The following ZBTB7C variants were observed in gnomAD, a reference collection of about 807,000 sequenced individuals.
ZBTB7C encodes the protein zinc finger and BTB domain-containing protein 7C.
A neutral mutation model predicts 25.7 loss-of-function variants in ZBTB7C; 8 were observed. That is an observed-to-expected ratio of 0.31 (90% CI 0.18 to 0.56). ZBTB7C has a LOEUF of 0.56. Among genes scored for constraint, ZBTB7C ranks in the 20% least tolerant of loss-of-function variants. The pLI, the probability that ZBTB7C is intolerant of heterozygous loss-of-function variation, is 0.91. For missense variants in ZBTB7C, 824 were observed against 855.2 expected (o/e 0.96, Z 0.46); for synonymous variants, 394 against 369.0 (o/e 1.07, Z -0.78).
At chr18:48,311,993 T>C (rs951416266) in intron 2 of ZBTB7C, among the ~76,000 whole-genome samples, 1 of 152,220 alleles carries the variant, frequency 6.6e-6, no homozygotes, top group African/African-American at 2.4e-5. Context: ...TTATCCAGTT[T>C]CTGTCCATCT....
intron 2 of ZBTB7C, among the ~76,000 whole-genome samples, chr18:48,304,742 G>A (rs2045628773): frequency 6.6e-6 from 1 of 150,714 alleles, no homozygotes; most frequent in African/African-American, 2.4e-5. Flanking sequence ...TCAGGAAGCT[G>A]AGGAAGGAGA....
intron 3 of ZBTB7C, among the ~76,000 whole-genome samples, chr18:48,141,662 G>A (rs775326008): frequency 6.6e-6 from 1 of 152,220 alleles, no homozygotes; most frequent in Non-Finnish European, 1.5e-5. Context: ...TCTCGCTGGA[G>A]TGAACATTTC....
chr18:48,158,012 C>T (rs1229183275), intron 3 of ZBTB7C, among the ~76,000 whole-genome samples: 1 of 152,036 alleles, frequency 6.6e-6, no homozygotes, highest in Non-Finnish European at 1.5e-5. Flanking sequence ...ATCCTAGATG[C>T]CCTGGGGACC....
chr18:48,077,056 T>C (rs2037791857), intron 3 of ZBTB7C: 1 of 763,742 alleles, frequency 1.3e-6, no homozygotes, highest in Non-Finnish European at 1.5e-6. Flanking sequence ...AATATGTTGT[T>C]ATATGCAAAA....
intron 3 of ZBTB7C, among the ~76,000 whole-genome samples, chr18:48,100,868 C>A (rs943715537): frequency 5.8e-4 from 88 of 151,908 alleles, no homozygotes; most frequent in Non-Finnish European, 9.4e-4. Context: ...CTCTGGGAAC[C>A]TAAGAGGGAG....
At chr18:48,406,357 G>T (rs1359613899) in intron 1 of ZBTB7C, among the ~76,000 whole-genome samples, 1 of 152,080 alleles carries the variant, frequency 6.6e-6, no homozygotes, top group Non-Finnish European at 1.5e-5. Context: ...TATTACTAGG[G>T]GGTCTCTTAT....
chr18:48,177,030 G>GC (rs1256057416), intron 3 of ZBTB7C, among the ~76,000 whole-genome samples: 1 of 152,228 alleles, frequency 6.6e-6, no homozygotes, highest in Non-Finnish European at 1.5e-5. Context: ...CTTGGCCCAG[G>GC]CCCCCCATAG....
chr18:48,262,093 T>C (rs2044187332), intron 2 of ZBTB7C, among the ~76,000 whole-genome samples: 1 of 152,140 alleles, frequency 6.6e-6, no homozygotes, highest in Non-Finnish European at 1.5e-5. Flanking sequence ...GAAGAAAGCA[T>C]GAACATGGAA....
chr18:48,271,462 G>A (rs1432551227), intron 2 of ZBTB7C, among the ~76,000 whole-genome samples: 1 of 148,686 alleles, frequency 6.7e-6, no homozygotes, highest in Non-Finnish European at 1.5e-5. Flanking sequence ...TCAATAAACT[G>A]TATGTATATG....
intron 2 of ZBTB7C, among the ~76,000 whole-genome samples, chr18:48,286,233 C>CATGTGT (rs111887626): frequency 1.4e-5 from 2 of 145,462 alleles, no homozygotes; most frequent in African/African-American, 5.1e-5. Context: ...AAGAGGTGTG[C>CATGTGT]GTGTGTGTGT....
intron 2 of ZBTB7C, among the ~76,000 whole-genome samples, chr18:48,293,380 C>T (rs540079104): frequency 2.0e-5 from 3 of 152,326 alleles, no homozygotes; most frequent in South Asian, 2.1e-4. Flanking sequence ...TGCTCCATCC[C>T]CAAATATCAT....
intron 1 of ZBTB7C, among the ~76,000 whole-genome samples, chr18:48,371,336 T>C (rs902035455): frequency 6.6e-6 from 1 of 152,252 alleles, no homozygotes; most frequent in African/African-American, 2.4e-5. Context: ...GTTTCCATCC[T>C]GTGGAACTGG....
intron 3 of ZBTB7C, among the ~76,000 whole-genome samples, chr18:48,079,404 A>G (rs764786486): frequency 1.3e-5 from 2 of 152,224 alleles, no homozygotes; most frequent in Non-Finnish European, 2.9e-5. Context: ...CTATTCTGGA[A>G]AGGGAGGCAC....
At chr18:48,409,489 C>T (rs2048357998), upstream of ZBTB7C, 1 of 146,706 alleles carries the variant, frequency 6.8e-6, no homozygotes, top group Admixed American at 6.8e-5. Context: ...CAGCCCCGCG[C>T]CCCGCGCCCC....
At chr18:48,039,733 T>C (rs2036131961) in intron 4 of ZBTB7C, among the ~76,000 whole-genome samples, 167 bp downstream of exon 4, 1 of 152,150 alleles carries the variant, frequency 6.6e-6, no homozygotes, top group Admixed American at 6.5e-5. Flanking sequence ...AAAAAGGGCT[T>C]GAAAGTCACA....
chr18:48,052,690 C>T (rs903507359), intron 3 of ZBTB7C, among the ~76,000 whole-genome samples: 3 of 152,178 alleles, frequency 2.0e-5, no homozygotes, highest in African/African-American at 7.2e-5. Flanking sequence ...CCAAAACCCT[C>T]TGGGGGAGGA....
intron 3 of ZBTB7C, chr18:48,148,673 G>A (rs1370526869): frequency 6.6e-6 from 1 of 152,184 alleles, no homozygotes; most frequent in Non-Finnish European, 1.5e-5. Flanking sequence ...AGGTGCTATA[G>A]GCAAAATCTG....
intron 2 of ZBTB7C, among the ~76,000 whole-genome samples, chr18:48,301,543 T>C (rs1217576972): frequency 6.6e-6 from 1 of 151,984 alleles, no homozygotes; most frequent in Non-Finnish European, 1.5e-5. Flanking sequence ...GGGGAGTGGG[T>C]ATGGACTGTG....
intron 4 of ZBTB7C, among the ~76,000 whole-genome samples, chr18:48,037,116 G>T (rs955591428): frequency 6.6e-6 from 1 of 152,214 alleles, no homozygotes; most frequent in Admixed American, 6.5e-5. Flanking sequence ...CCAGCTCGGG[G>T]TTTCTCTCCT....
Sources: gnomAD v4.1 joint callset for allele counts (sites outside exome capture counted in the v4.1 genomes callset) on GRCh38, gnomAD v4.1.1 for gene constraint, MANE v1.5 for transcripts, NCBI Gene and HGNC (gene_info 2026-07-23, HGNC 2026-07-21) for gene names.